Variants in TTLL1 observed in about 807,000 individuals in gnomAD.
TTLL1 encodes the protein polyglutamylase complex subunit TTLL1.
In TTLL1, 33 loss-of-function variants were observed where a neutral mutation model predicts 47.8. The observed-to-expected ratio is 0.69, with a 90% CI of 0.52 to 0.92. The LOEUF is 0.92. Ranked by LOEUF, TTLL1 falls within the 40% of genes least tolerant of loss-of-function variation. TTLL1 has a pLI of 0.00. For missense variants in TTLL1, 488 were observed against 547.5 expected, an observed-to-expected ratio of 0.89 and a Z score of 1.08; for synonymous variants, 225 against 214.1, an observed-to-expected ratio of 1.05 and a Z score of -0.45.
intron 3 of TTLL1, among the ~76,000 whole-genome samples, chr22:43,070,468 C>G (rs1928045996): frequency 6.6e-6 from 1 of 152,110 alleles, no homozygotes; most frequent in South Asian, 2.1e-4. Flanking sequence ...TGCTCAGAGC[C>G]AGAGTCACAA....
At chr22:43,076,057 G>A (rs1015039031) in intron 2 of TTLL1, among the ~76,000 whole-genome samples, 13 of 152,196 alleles carry the variant, frequency 8.5e-5, no homozygotes, top group South Asian at 2.1e-4. Context: ...CCCTCGGGCC[G>A]ACTTCCGATG....
intron 9 of TTLL1, among the ~76,000 whole-genome samples, chr22:43,049,608 A>C (rs1384672541): frequency 6.6e-6 from 1 of 151,192 alleles, no homozygotes; most frequent in Non-Finnish European, 1.5e-5. Context: ...CCACAAAAAA[A>C]AAAAAAAAAA....
intron 2 of TTLL1, among the ~76,000 whole-genome samples, chr22:43,077,769 C>G (rs903660985): frequency 6.6e-6 from 1 of 152,218 alleles, no homozygotes; most frequent in Non-Finnish European, 1.5e-5. Context: ...TGGCAACCCC[C>G]ACACCACAGG....
At chr22:43,070,259 A>C in intron 3 of TTLL1, 1 of 1,281,192 alleles carries the variant, frequency 7.8e-7, no homozygotes, top group Non-Finnish European at 1.0e-6. Flanking sequence ...AAACAAAATC[A>C]CAGGGGTTAT....
chr22:43,054,808 C>A (rs1450338950), intron 8 of TTLL1, among the ~76,000 whole-genome samples: 1 of 147,930 alleles, frequency 6.8e-6, no homozygotes, highest in Admixed American at 7.0e-5. Context: ...TCACTGCAAG[C>A]TCCGCCTCCC....
chr22:43,050,989 T>G (rs1434047143), intron 9 of TTLL1, among the ~76,000 whole-genome samples: 10 of 152,236 alleles, frequency 6.6e-5, no homozygotes, highest in African/African-American at 2.4e-4. Flanking sequence ...CCCATGACTC[T>G]ACCCATAGGG....
intron 8 of TTLL1, 61 bp from the exon 9 acceptor site, chr22:43,051,948 C>G: frequency 6.6e-7 from 1 of 1,511,954 alleles, no homozygotes; most frequent in Non-Finnish European, 9.2e-7. Flanking sequence ...CCGAGACCAA[C>G]GCCACAGAGA....
intron 1 of TTLL1, among the ~76,000 whole-genome samples, chr22:43,084,587 T>C (rs1301205606): frequency 1.3e-5 from 2 of 150,700 alleles, no homozygotes; most frequent in Non-Finnish European, 3.0e-5. Context: ...CTGCAAGCTC[T>C]GCCTCCTGGG....
rs150532274 is a variant in TTLL1, at chr22:43,044,490, C to CTG, written c.1142+1918_1142+1919dup. 1.8e-4 allele frequency among the ~76,000 whole-genome samples: 27 copies of CTG among 152,218 alleles called. 1 individual carries two copies. In the Middle Eastern group the frequency reaches 0.017, roughly 96 times the overall value. On this transcript the variant is annotated intron_variant, in intron 10 of 10. Transcript: ENST00000266254. ...CCTACCAGCTACAAGCCTGACGTCT[C>CTG]TGTGTGTGTGTGTAAATTTCACTAA...
intron 3 of TTLL1, among the ~76,000 whole-genome samples, chr22:43,073,813 T>A (rs964461471): frequency 1.1e-4 from 17 of 150,708 alleles, no homozygotes; most frequent in Admixed American, 4.0e-4. Context: ...AGCTCTTCTT[T>A]TTTATTTATT....
Position 43,068,399 on chromosome 22 carries a change from CCCACA to C in TTLL1, c.503+6_503+10del. 1 of 1,485,422 alleles carries C rather than the reference CCCACA, an allele frequency of 6.7e-7. No homozygotes were observed. Among genetic ancestry groups the C allele is most frequent in the Non-Finnish European group, 9.1e-7 (1 of 1,098,794 alleles). 92.0% of individuals were successfully genotyped at this position (1,485,422 alleles called of 1,614,324 possible). ...ACCTGGCACACAAAGTGGGTGGCTG[CCCACA>C]CTTACGAAGATGTCTTGCTGTCCCG... On this transcript the variant is annotated splice_donor_region_variant and intron_variant, in intron 5 of 10. Coordinates refer to ENST00000266254, the MANE Select transcript of TTLL1 (RefSeq NM_012263.5).
chr22:43,058,861 A>C (rs1927202973), intron 8 of TTLL1, among the ~76,000 whole-genome samples: 1 of 151,432 alleles, frequency 6.6e-6, no homozygotes, highest in Non-Finnish European at 1.5e-5. Flanking sequence ...CACCCCGCTA[A>C]TTTTTTGTAT....
intron 3 of TTLL1, among the ~76,000 whole-genome samples, chr22:43,070,863 A>G (rs1013683956): frequency 2.0e-5 from 3 of 152,178 alleles, no homozygotes; most frequent in Non-Finnish European, 4.4e-5. Context: ...ATTATGTGAT[A>G]TCCTATTTTA....
chr22:43,087,823 G>C (rs895393127), intron 1 of TTLL1, among the ~76,000 whole-genome samples: 3 of 130,196 alleles, frequency 2.3e-5, no homozygotes, highest in African/African-American at 6.3e-5. Context: ...CTGGGTGACA[G>C]AGTGAGACGG....
chr22:43,045,204 T>TGAAC (rs1403636226), intron 10 of TTLL1, among the ~76,000 whole-genome samples: 1 of 152,134 alleles, frequency 6.6e-6, no homozygotes, highest in Non-Finnish European at 1.5e-5. Flanking sequence ...GCAGAATGAA[T>TGAAC]GAACCATACT....
chr22:43,060,436 TGCA>T (rs1464932067), intron 7 of TTLL1, among the ~76,000 whole-genome samples: 1 of 152,198 alleles, frequency 6.6e-6, no homozygotes, highest in Non-Finnish European at 1.5e-5. Flanking sequence ...AGGCCTCCAC[TGCA>T]GCAACATCAG....
intron 1 of TTLL1, among the ~76,000 whole-genome samples, chr22:43,085,127 C>T (rs1929150453): frequency 6.6e-6 from 1 of 152,114 alleles, no homozygotes; most frequent in Admixed American, 6.6e-5. Flanking sequence ...CAGGCGCATG[C>T]CACCATGCCC....
chr22:43,084,567 T>A (rs1172112850), intron 1 of TTLL1, among the ~76,000 whole-genome samples: 4 of 152,012 alleles, frequency 2.6e-5, no homozygotes, highest in Non-Finnish European at 5.9e-5. Context: ...AGTGGCGCGA[T>A]CTTGGCTCAC....
intron 10 of TTLL1, among the ~76,000 whole-genome samples, chr22:43,043,486 C>T (rs1482468529): frequency 1.3e-5 from 2 of 152,002 alleles, no homozygotes; most frequent in Admixed American, 6.6e-5. Flanking sequence ...GACCCAGCCC[C>T]GAAGGCCGCC....
Sources: gnomAD v4.1 joint callset for allele counts (sites outside exome capture counted in the v4.1 genomes callset) on GRCh38, gnomAD v4.1.1 for gene constraint, MANE v1.5 for transcripts, NCBI Gene and HGNC (gene_info 2026-07-23, HGNC 2026-07-21) for gene names.